MTA1: variants seen among roughly 807,000 people sequenced by gnomAD.
The protein encoded by MTA1 is metastasis associated 1, also known as metastasis-associated protein MTA1.
A neutral mutation model predicts 97.0 loss-of-function variants in MTA1; 15 were observed. The ratio of observed to expected loss-of-function variants is 0.15; its 90% CI spans 0.10 to 0.24. The LOEUF (loss-of-function observed/expected upper bound fraction) is 0.24, where lower values mean the gene tolerates loss of function less well. MTA1 is among the 10% of genes least tolerant of loss of function. The pLI, the probability that MTA1 is intolerant of heterozygous loss-of-function variation, is 1.00. For synonymous variants in MTA1, 435 were observed against 417.5 expected (o/e 1.04, Z -0.51); for missense variants, 709 against 1,015.1 (o/e 0.70, Z 4.10).
At chr14:105,450,696 G>A (rs2082893841) in intron 6 of MTA1, among the ~76,000 whole-genome samples, 2 of 152,148 alleles carry the variant, frequency 1.3e-5, no homozygotes, top group Non-Finnish European at 2.9e-5. Context: ...GCAGAGTCCT[G>A]GTAGGCCCAC....
chr14:105,424,378 T>A lies in MTA1; in HGVS notation c.28+4315T>A, dbSNP rs1332439258. Reference sequence around the variant, plus strand: ...CTGGCTAATGTTTTGTAATTTTTTTTTTTTTGTAGAGACGGGGTTTCACTG... The same window carrying A: ...CTGGCTAATGTTTTGTAATTTTTTTATTTTTGTAGAGACGGGGTTTCACTG... On this transcript the variant is annotated intron_variant, in intron 1 of 20. Transcript: ENST00000331320. This position sits in a 1 kb window ranked among gnomAD's most constrained non-coding sequence, Gnocchi z 4.0. Among the ~76,000 whole-genome samples the A allele has an allele frequency of 6.6e-6, 1 of 152,076 alleles. No individual in the cohort carries two copies. The highest frequency in any genetic ancestry group is 1.9e-4 in the East Asian group (1 of 5,184).
chr14:105,460,771 G>T lies in MTA1; in HGVS notation c.760G>T (p.Ala254Ser), dbSNP rs1367960361. ...CTGCTGTCTCCTGCCGCAGTTCCAC[G>T]CCATGGATACTCTCCACAAGAACAT... ...AASRDITLFH[A>S]MDTLHKNIYD... The change falls in exon 10 of 21, where the codon GCC (alanine) becomes TCC (serine). Residue 254 changes from alanine to serine, a missense_variant. Coordinates refer to ENST00000331320, the MANE Select transcript of MTA1 (RefSeq NM_004689.4). 3.8e-6 allele frequency: 6 copies of T among 1,579,470 alleles called. No individual in the cohort carries two copies. Among genetic ancestry groups the T allele is most frequent in the Non-Finnish European group, 5.2e-6 (6 of 1,161,226 alleles).
chr14:105,431,687 G>A (rs1044033699), intron 1 of MTA1, among the ~76,000 whole-genome samples: 8 of 152,200 alleles, frequency 5.3e-5, no homozygotes, highest in Middle Eastern at 3.4e-3. Flanking sequence ...GTGCAGTGGC[G>A]CAGTCTCGGC....
At chr14:105,441,690 AG>A (rs1265421880) in intron 2 of MTA1, among the ~76,000 whole-genome samples, 1 of 152,190 alleles carries the variant, frequency 6.6e-6, no homozygotes, top group Non-Finnish European at 1.5e-5. Context: ...GCTACTCGGG[AG>A]GCTGAGGCAG....
rs192812259 is a variant in MTA1, at chr14:105,423,678, C to T, written c.28+3615C>T. Among the ~76,000 whole-genome samples, 133 of 152,388 alleles carry T rather than the reference C, an allele frequency of 8.7e-4. 1 individual carries two copies. Among genetic ancestry groups the T allele is most frequent in the African/African-American group, 3.1e-3 (128 of 41,594 alleles). On this transcript the variant is annotated intron_variant, in intron 1 of 20. Transcript: ENST00000331320. ...CTGGCGCAGCCTGGGCGGAAGCACC[C>T]TGTCCGTGCTGCTGGTCTTCACTGG...
At chr14:105,421,792 C>A (rs1017699842) in intron 1 of MTA1, among the ~76,000 whole-genome samples, 2 of 152,218 alleles carry the variant, frequency 1.3e-5, no homozygotes, top group Non-Finnish European at 2.9e-5. Context: ...TGCAGCTCCC[C>A]TGGGCCCCAC....
intron 1 of MTA1, among the ~76,000 whole-genome samples, chr14:105,425,705 C>T (rs1555422069): frequency 6.7e-6 from 1 of 149,344 alleles, no homozygotes; most frequent in African/African-American, 2.5e-5. Flanking sequence ...CCATTCCTGT[C>T]CCGGTGGGCT....
At chr14:105,444,593 C>T (rs1437780275) in intron 2 of MTA1, among the ~76,000 whole-genome samples, 1 of 152,050 alleles carries the variant, frequency 6.6e-6, no homozygotes, top group Admixed American at 6.5e-5. Context: ...GGGTTCCAGA[C>T]CAGCCTGGCC....
chr14:105,460,821 G>T lies in MTA1; in HGVS notation c.810G>T (p.Ser270=), dbSNP rs781862375. Residue 270 remains serine (S), a synonymous_variant, in exon 10 of 21, where the codon TCG becomes TCT. Transcript: ENST00000331320. ...TCTACGACATCTCCAAGGCCATCTCGGCGCTGGTGCCGCAGGGCGGGCCCG... is the reference window on the plus strand; with the variant it reads ...TCTACGACATCTCCAAGGCCATCTCTGCGCTGGTGCCGCAGGGCGGGCCCG... ...KNIYDISKAI[S]ALVPQGGPVL... is the part of the protein sequence containing the mutation. 111 of 1,611,280 alleles carry T rather than the reference G, an allele frequency of 6.9e-5. No individual in the cohort carries two copies. Among genetic ancestry groups the T allele is most frequent in the Non-Finnish European group, 8.0e-5 (94 of 1,179,030 alleles).
intron 2 of MTA1, among the ~76,000 whole-genome samples, chr14:105,443,861 C>T (rs1555426367): frequency 6.6e-6 from 1 of 152,006 alleles, no homozygotes; most frequent in African/African-American, 2.4e-5. Flanking sequence ...GAGGCTGAGG[C>T]GGGTGGGTCA....
At chr14:105,455,411 C>A (rs1555429656) in intron 7 of MTA1, among the ~76,000 whole-genome samples, 1 of 152,204 alleles carries the variant, frequency 6.6e-6, no homozygotes, top group Non-Finnish European at 1.5e-5. Flanking sequence ...CTCACTGTCC[C>A]CTTCTCAGCC....
chr14:105,421,643 C>G (rs2081839970), intron 1 of MTA1, among the ~76,000 whole-genome samples: 1 of 152,186 alleles, frequency 6.6e-6, no homozygotes, highest in Admixed American at 6.5e-5. Flanking sequence ...AGCCTGGCTG[C>G]CCCCCCTCCA....
At chr14:105,432,188 G>A (rs1400474306) in intron 1 of MTA1, among the ~76,000 whole-genome samples, 1 of 152,150 alleles carries the variant, frequency 6.6e-6, no homozygotes, top group Non-Finnish European at 1.5e-5. Context: ...CTGTGCAGCA[G>A]CTTGATGAGT....
At position 105,460,823 on chromosome 14, in the gene MTA1, C is replaced by A; in HGVS notation, c.812C>A (p.Ala271Glu). Residue 271 changes from alanine (A) to glutamate (E), a missense_variant, in exon 10 of 21, where the codon GCG becomes GAG. By Grantham distance (107) the Ala-to-Glu change is moderately radical (BLOSUM62 -1). Around this residue, in one of 2 missense-constraint regions of MTA1, gnomAD observed 321 missense variants for 593.5 expected, o/e 0.54. Transcript: ENST00000331320. ...TACGACATCTCCAAGGCCATCTCGG[C>A]GCTGGTGCCGCAGGGCGGGCCCGTG... ...NIYDISKAIS[A>E]LVPQGGPVLC... 1.2e-6 allele frequency: 2 copies of A among 1,611,304 alleles called. No homozygotes were observed. The highest frequency in any genetic ancestry group is 1.7e-6 in the Non-Finnish European group (2 of 1,179,012).
At chr14:105,439,573 C>T (rs1264373186) in intron 2 of MTA1, among the ~76,000 whole-genome samples, 1 of 152,190 alleles carries the variant, frequency 6.6e-6, no homozygotes, top group Non-Finnish European at 1.5e-5. Context: ...GTGGGTGGGT[C>T]CCCCAGCGTC....
intron 1 of MTA1, among the ~76,000 whole-genome samples, chr14:105,437,579 C>A (rs1358527794): frequency 6.6e-5 from 10 of 152,232 alleles, no homozygotes; most frequent in African/African-American, 2.4e-4. Context: ...GCTCTCCAGG[C>A]CCCTCCACAG....
rs1555421340 is a variant in MTA1 at position 105,422,963 on chromosome 14, G to T, written c.28+2900G>T. 6.6e-6 allele frequency among the ~76,000 whole-genome samples: 1 copy of T among 152,170 alleles called. No individual in the cohort carries two copies. The highest frequency in any genetic ancestry group is 2.4e-5 in the African/African-American group (1 of 41,462). Reference sequence around the variant, plus strand: ...AGGGTTGTCCATCCCGAGGGCTGGGGAAGGCTTGAAACCTGCTGTGGGATG... The same window carrying T: ...AGGGTTGTCCATCCCGAGGGCTGGGTAAGGCTTGAAACCTGCTGTGGGATG... On this transcript the variant is annotated intron_variant, in intron 1 of 20. Transcript: ENST00000331320. The surrounding 1 kb of genome is among the most constrained non-coding windows in gnomAD (Gnocchi z 4.3).
chr14:105,467,538 G>T (rs782094846), intron 18 of MTA1: 1 of 454,028 alleles, frequency 2.2e-6, no homozygotes, highest in African/African-American at 2.0e-5. Context: ...CGGCTGCAGC[G>T]CAGGGTGGGC....
At chr14:105,431,208 G>A (rs965448868) in intron 1 of MTA1, among the ~76,000 whole-genome samples, 7 of 151,810 alleles carry the variant, frequency 4.6e-5, no homozygotes, top group African/African-American at 1.2e-4. Context: ...GATTACAGGC[G>A]CCCACCACCA....
Sources: gnomAD v4.1 joint callset for allele counts (sites outside exome capture counted in the v4.1 genomes callset) on GRCh38, gnomAD v4.1.1 for gene constraint, gnomAD v4.1.1 regional missense constraint, Gnocchi (gnomAD v3.1) non-coding constraint, MANE v1.5 for transcripts, NCBI Gene and HGNC (gene_info 2026-07-23, HGNC 2026-07-21) for gene names.